Variants in GAS7 observed in about 807,000 individuals in gnomAD.
GAS7 encodes the protein growth arrest specific 7, also known as growth arrest-specific protein 7.
A neutral mutation model predicts 71.1 loss-of-function variants in GAS7; 28 were observed. The ratio of observed to expected loss-of-function variants is 0.39; its 90% confidence interval spans 0.29 to 0.54. GAS7 has a LOEUF of 0.54. Among genes scored for constraint, GAS7 ranks in the 20% least tolerant of loss-of-function variants. The pLI, the probability that GAS7 is intolerant of heterozygous loss-of-function variation, is 0.62. For synonymous variants in GAS7, 258 were observed against 245.8 expected, an observed-to-expected ratio of 1.05 and a Z score of -0.46; for missense variants, 436 against 627.8, an observed-to-expected ratio of 0.69 and a Z score of 3.27.
At chr17:10,101,008 C>A (rs1157929265) in intron 1 of GAS7, among the ~76,000 whole-genome samples, 2 of 152,176 alleles carry the variant, frequency 1.3e-5, no homozygotes, top group East Asian at 3.9e-4. Flanking sequence ...GTGGCTCATG[C>A]CTGTAATCCC....
At chr17:10,083,981 T>C (rs2073486382) in intron 1 of GAS7, among the ~76,000 whole-genome samples, 1 of 152,188 alleles carries the variant, frequency 6.6e-6, no homozygotes, top group African/African-American at 2.4e-5. Context: ...GGATTTAAGC[T>C]GTCTTCGGCC....
chr17:9,980,621 A>G (rs1037344706), intron 3 of GAS7, among the ~76,000 whole-genome samples: 11 of 152,202 alleles, frequency 7.2e-5, no homozygotes, highest in African/African-American at 2.7e-4. Flanking sequence ...TGTGCTCCAC[A>G]CACCATAGGA....
rs958437069 is a variant in GAS7, at chr17:9,925,579, C to T, written c.1035G>A (p.Glu345=). The T allele has an allele frequency of 6.2e-7, 1 of 1,614,214 alleles. No individual in the cohort carries two copies. The highest frequency in any genetic ancestry group is 1.3e-5 in the African/African-American group (1 of 75,074). ...SVEKARKALT[E]RQRDLEMKTQ... ...TCTTCATCTCCAGGTCTCTCTGCCGCTCTGTGAGGGCTTTCCGGGCCTGGG... is the reference window on the plus strand; with the variant it reads ...TCTTCATCTCCAGGTCTCTCTGCCGTTCTGTGAGGGCTTTCCGGGCCTGGG... The change falls in exon 11 of 14, where the codon GAG becomes GAA. Residue 345 remains glutamate, a synonymous_variant. Transcript: ENST00000432992.
At chr17:10,159,065 C>T (rs56300171) in intron 1 of GAS7, among the ~76,000 whole-genome samples, 6 of 59,988 alleles carry the variant, frequency 1.0e-4, no homozygotes, top group East Asian at 6.0e-4. Flanking sequence ...GTCTCTAAAA[C>T]ATATATATAT....
At chr17:10,049,865 C>T (rs2073038599) in intron 1 of GAS7, among the ~76,000 whole-genome samples, 1 of 151,974 alleles carries the variant, frequency 6.6e-6, no homozygotes, top group Non-Finnish European at 1.5e-5. Context: ...TGTGATCCAC[C>T]CACCTTGGCG....
In GAS7 at chr17:9,911,799, G is replaced by T. The variant is rs936436271; in HGVS notation, c.*5429C>A. 21 of 231,896 alleles carry T rather than the reference G, an allele frequency of 9.1e-5. No homozygotes were observed. The highest frequency in any genetic ancestry group is 3.5e-4 in the African/African-American group (16 of 45,254). 14.4% of individuals were successfully genotyped at this position (231,896 alleles called of 1,614,324 possible). A position where few individuals can be genotyped will look rare whatever the true frequency, so the allele number is the denominator to read the frequency against. On this transcript the variant is annotated 3_prime_UTR_variant, in exon 14 of 14. Coordinates refer to ENST00000432992, the MANE Select transcript of GAS7 (RefSeq NM_201433.2). This position sits in a 1 kb window ranked among gnomAD's most constrained non-coding sequence, Gnocchi z 4.0. Reference sequence around the variant, plus strand: ...CTGGCCTGGATCCAGAAATGTCTCTGGTTCGCATAGAGAGGTACCCAACTG... The same window carrying T: ...CTGGCCTGGATCCAGAAATGTCTCTTGTTCGCATAGAGAGGTACCCAACTG...
chr17:10,139,753 T>C (rs572487390), intron 1 of GAS7, among the ~76,000 whole-genome samples: 11 of 152,320 alleles, frequency 7.2e-5, no homozygotes, highest in Admixed American at 6.5e-4. Context: ...CTGGGAGATA[T>C]GGTGCGGGAA....
At chr17:10,153,208 T>TCAAAAAAAAAAACAAAGCAAAA (rs2074180103) in intron 1 of GAS7, among the ~76,000 whole-genome samples, 1 of 14,738 alleles carries the variant, frequency 6.8e-5, no homozygotes, top group East Asian at 2.9e-3. Flanking sequence ...AGCCTCCGTC[T>TCAAAAAAAAAAACAAAGCAAAA]CAAAAAAAAA....
At chr17:9,938,788 C>T (rs2068493710) in intron 8 of GAS7, among the ~76,000 whole-genome samples, 1 of 152,210 alleles carries the variant, frequency 6.6e-6, no homozygotes, top group Non-Finnish European at 1.5e-5. Flanking sequence ...CCCCTCCTCC[C>T]CCAGCCCCTG....
At chr17:10,039,621 T>C (rs2072824109) in intron 1 of GAS7, 2 of 385,940 alleles carry the variant, frequency 5.2e-6, no homozygotes, top group Non-Finnish European at 1.0e-5. Context: ...AGGCAGAGGT[T>C]GTAGTGAGCC....
chr17:9,923,738 A>C (rs964807543), intron 11 of GAS7, among the ~76,000 whole-genome samples: 1 of 152,264 alleles, frequency 6.6e-6, no homozygotes, highest in Non-Finnish European at 1.5e-5. Flanking sequence ...ATATCCATCA[A>C]GACGAATAAT....
At chr17:10,127,615 A>C (rs962192951) in intron 1 of GAS7, among the ~76,000 whole-genome samples, 10 of 152,178 alleles carry the variant, frequency 6.6e-5, no homozygotes, top group Non-Finnish European at 1.5e-4. Flanking sequence ...AATTTTAAAG[A>C]TACTAATCTG....
At chr17:9,991,086 C>G (rs1457091293) in intron 2 of GAS7, among the ~76,000 whole-genome samples, 1 of 152,286 alleles carries the variant, frequency 6.6e-6, no homozygotes, top group South Asian at 2.1e-4. Context: ...AGTAAGCACT[C>G]ACAGACACTA....
intron 1 of GAS7, among the ~76,000 whole-genome samples, chr17:10,179,482 C>CTAAGA (rs10679926): frequency 0.49 from 74,348 of 151,338 alleles, 18,478 homozygotes; most frequent in East Asian, 0.57. Context: ...GTCACCTTAT[C>CTAAGA]TAAGATTCCC....
At position 10,184,688 on chromosome 17, in the gene GAS7, C is replaced by T. The variant is rs115729441; in HGVS notation, c.183+13520G>A. On this transcript the variant is annotated intron_variant, in intron 1 of 13. Transcript: ENST00000432992. Reference sequence around the variant, plus strand: ...AGGTCCTGCCACATAGCTCCTCAAACCCTTGGAATTTCCTGATAGGAATGT... The same window carrying T: ...AGGTCCTGCCACATAGCTCCTCAAATCCTTGGAATTTCCTGATAGGAATGT... Among the ~76,000 whole-genome samples the T allele has an allele frequency of 4.3e-3, 659 of 152,252 alleles. 8 individuals are homozygous for T. The highest frequency in any genetic ancestry group is 0.015 in the African/African-American group (619 of 41,544).
At chr17:10,046,226 C>T (rs1012887302) in intron 1 of GAS7, among the ~76,000 whole-genome samples, 6 of 152,116 alleles carry the variant, frequency 3.9e-5, no homozygotes, top group African/African-American at 1.4e-4. Context: ...GACTGAATCT[C>T]TGGGAGATTA....
intron 1 of GAS7, among the ~76,000 whole-genome samples, chr17:10,022,443 T>C (rs1251343289): frequency 6.6e-6 from 1 of 152,154 alleles, no homozygotes; most frequent in Non-Finnish European, 1.5e-5. Flanking sequence ...GGATCAAATA[T>C]TGACATGGTC....
intron 1 of GAS7, among the ~76,000 whole-genome samples, chr17:10,083,110 A>G (rs1004270280): frequency 4.6e-5 from 7 of 152,268 alleles, no homozygotes; most frequent in Non-Finnish European, 1.0e-4. Context: ...ATTGGCCTGT[A>G]CGCATGTAAT....
chr17:10,114,696 C>CCACACACACA (rs60196807), intron 1 of GAS7: 7 of 147,416 alleles, frequency 4.7e-5, no homozygotes, highest in Admixed American at 6.7e-5. Context: ...AAGAGAAAAA[C>CCACACACACA]CACACACACA....
Sources: allele counts gnomAD v4.1 joint callset (sites outside exome capture counted in the v4.1 genomes callset), GRCh38; gene constraint gnomAD v4.1.1; non-coding constraint Gnocchi (gnomAD v3.1); transcripts MANE v1.5; gene names NCBI Gene and HGNC (gene_info 2026-07-23, HGNC 2026-07-21).